VWC2L: variants seen among roughly 807,000 people sequenced by gnomAD.
The protein encoded by VWC2L is von Willebrand factor C domain-containing protein 2-like.
In VWC2L, 10 loss-of-function variants were observed where a neutral mutation model predicts 21.6. The observed-to-expected ratio is 0.46, with a 90% CI of 0.29 to 0.78. VWC2L has a LOEUF of 0.78. Ranked by LOEUF, VWC2L falls within the 30% of genes least tolerant of loss-of-function variation. The pLI, the probability that VWC2L is intolerant of heterozygous loss-of-function variation, is 0.10. For synonymous variants in VWC2L, 96 were observed against 94.3 expected (o/e 1.02, Z -0.10); for missense variants, 209 against 277.1 (o/e 0.75, Z 1.74).
At chr2:214,433,231 A>G (rs1702631163) in intron 2 of VWC2L, among the ~76,000 whole-genome samples, 1 of 147,912 alleles carries the variant, frequency 6.8e-6, no homozygotes, top group Non-Finnish European at 1.5e-5. Context: ...GCTAATCCTA[A>G]TTTCAACTAA....
At chr2:214,522,627 A>T (rs1259434636) in intron 3 of VWC2L, among the ~76,000 whole-genome samples, 1 of 152,118 alleles carries the variant, frequency 6.6e-6, no homozygotes, top group African/African-American at 2.4e-5. Flanking sequence ...TTAAATATAT[A>T]CTATCTACCT....
chr2:214,514,435 A>C (rs1303571606), intron 3 of VWC2L, among the ~76,000 whole-genome samples: 2 of 151,178 alleles, frequency 1.3e-5, no homozygotes, highest in Non-Finnish European at 2.9e-5. Flanking sequence ...CTTTCCATTC[A>C]TTTTAGTCTC....
At position 214,503,846 on chromosome 2, in the gene VWC2L, A is replaced by G. The variant is rs116144820; in HGVS notation, c.520+67088A>G. Among the ~76,000 whole-genome samples the G allele has an allele frequency of 6.7e-3, 1,025 of 152,238 alleles. 11 individuals carry two copies. The highest frequency in any genetic ancestry group is 0.024 in the African/African-American group (983 of 41,534). ...TGTTATATCTTTTCTGTCCTAATTG[A>G]TTTATCCTCACCACATCATACAGCT... On this transcript the variant is annotated intron_variant, in intron 3 of 3. Coordinates refer to ENST00000312504, the MANE Select transcript of VWC2L (RefSeq NM_001080500.4).
chr2:214,476,281 T>A (rs1688518063), intron 3 of VWC2L, among the ~76,000 whole-genome samples: 1 of 152,220 alleles, frequency 6.6e-6, no homozygotes, highest in Non-Finnish European at 1.5e-5. Context: ...TGATATATAT[T>A]CATAACCAAA....
At chr2:214,438,408 T>C (rs1702714025) in intron 3 of VWC2L, among the ~76,000 whole-genome samples, 1 of 151,982 alleles carries the variant, frequency 6.6e-6, no homozygotes. Flanking sequence ...TTTCTTTTTT[T>C]CCCCTGGAAG....
chr2:214,452,919 T>G (rs1702998124), intron 3 of VWC2L, among the ~76,000 whole-genome samples: 1 of 152,210 alleles, frequency 6.6e-6, no homozygotes, highest in Admixed American at 6.5e-5. Flanking sequence ...ATTTGCTCAT[T>G]TTTTTATTAG....
chr2:214,560,493 A>G (rs925400466), intron 3 of VWC2L, among the ~76,000 whole-genome samples: 1 of 152,196 alleles, frequency 6.6e-6, no homozygotes, highest in African/African-American at 2.4e-5. Context: ...TATCAAGCAT[A>G]TCATTTTAAT....
intron 3 of VWC2L, among the ~76,000 whole-genome samples, chr2:214,437,851 G>T (rs1702700350): frequency 6.6e-6 from 1 of 151,818 alleles, no homozygotes; most frequent in Non-Finnish European, 1.5e-5. Context: ...TTGTGTTTTG[G>T]TATCTTCCAA....
chr2:214,487,993 A>G (rs1688694112), intron 3 of VWC2L, among the ~76,000 whole-genome samples: 1 of 152,122 alleles, frequency 6.6e-6, no homozygotes, highest in Admixed American at 6.6e-5. Flanking sequence ...ATTACAGCAA[A>G]ACTTATCTCC....
At chr2:214,532,081 G>T (rs913547547) in intron 3 of VWC2L, among the ~76,000 whole-genome samples, 1 of 152,088 alleles carries the variant, frequency 6.6e-6, no homozygotes, top group Non-Finnish European at 1.5e-5. Context: ...TTGAGATCAT[G>T]AAATGCAAAG....
chr2:214,422,591 C>A (rs770461203), intron 2 of VWC2L, among the ~76,000 whole-genome samples: 17 of 152,122 alleles, frequency 1.1e-4, no homozygotes, highest in Non-Finnish European at 2.4e-4. Context: ...CTTTCTCAAA[C>A]AATAGGCATT....
At position 214,411,445 on chromosome 2, in the gene VWC2L, A is replaced by T. The variant is rs1279705583; in HGVS notation, c.-422A>T. ...GGCGTAATCAGCCGGGAAATTTCAT[A>T]GAAGGATCTAAGAAAATGCTAAAAA... On this transcript the variant is annotated 5_prime_UTR_variant, in exon 1 of 4. It removes the in-frame stop codon of an upstream open reading frame in the 5' UTR. Transcript: ENST00000312504. The T allele has an allele frequency of 6.6e-6, 1 of 152,226 alleles. No homozygotes were observed. The highest frequency in any genetic ancestry group is 1.5e-5 in the Non-Finnish European group (1 of 68,048). 9.4% of individuals were successfully genotyped at this position (152,226 alleles called of 1,614,324 possible). A position where few individuals can be genotyped will look rare whatever the true frequency, so the allele number is the denominator to read the frequency against.
intron 3 of VWC2L, among the ~76,000 whole-genome samples, chr2:214,463,031 G>A (rs932713568): frequency 1.3e-5 from 2 of 151,870 alleles, no homozygotes; most frequent in Non-Finnish European, 2.9e-5. Flanking sequence ...CATGTTTTAC[G>A]GCCAAGAACA....
At chr2:214,491,698 G>A (rs541458631) in intron 3 of VWC2L, among the ~76,000 whole-genome samples, 2 of 152,200 alleles carry the variant, frequency 1.3e-5, no homozygotes, top group South Asian at 2.1e-4. Context: ...TAGAAGAAAG[G>A]AGAGAACACT....
At chr2:214,473,311 G>A (rs1020856066) in intron 3 of VWC2L, among the ~76,000 whole-genome samples, 9 of 152,160 alleles carry the variant, frequency 5.9e-5, no homozygotes, top group Non-Finnish European at 1.2e-4. Flanking sequence ...TTAACTTGCT[G>A]TAACAGATAA....
At chr2:214,446,246 G>C (rs1170252462) in intron 3 of VWC2L, among the ~76,000 whole-genome samples, 1 of 152,162 alleles carries the variant, frequency 6.6e-6, no homozygotes, top group Non-Finnish European at 1.5e-5. Context: ...CATGATGCAA[G>C]CATGTCCTAT....
intron 3 of VWC2L, among the ~76,000 whole-genome samples, chr2:214,453,725 C>CTTT (rs33937313): frequency 1.4e-4 from 20 of 142,510 alleles, no homozygotes; most frequent in African/African-American, 4.9e-4. Context: ...AATTTTTTTT[C>CTTT]TTTTTTTTTT....
In VWC2L at chr2:214,532,556, G is replaced by A. The variant is rs565419159; in HGVS notation, c.521-43116G>A. ...TACATTCACTTTCCATTTTTTGTTG[G>A]TATTGAAATTAGGAGACAAGAAGAA... On this transcript the variant is annotated intron_variant, in intron 3 of 3. Coordinates refer to ENST00000312504, the MANE Select transcript of VWC2L (RefSeq NM_001080500.4). 5.9e-5 allele frequency among the ~76,000 whole-genome samples: 9 copies of A among 151,938 alleles called. No individual in the cohort carries two copies. In the South Asian group the frequency reaches 1.9e-3, roughly 32 times the overall value.
At chr2:214,534,873 C>A (rs894088148) in intron 3 of VWC2L, among the ~76,000 whole-genome samples, 8 of 152,128 alleles carry the variant, frequency 5.3e-5, no homozygotes, top group Admixed American at 5.2e-4. Context: ...AAGCAGTGTT[C>A]TTGTAACTAG....
Sources: allele counts gnomAD v4.1 joint callset (sites outside exome capture counted in the v4.1 genomes callset), GRCh38; gene constraint gnomAD v4.1.1; transcripts MANE v1.5; gene names NCBI Gene and HGNC (gene_info 2026-07-23, HGNC 2026-07-21).